Variants in ANKRD30BL observed in about 807,000 individuals in gnomAD.
ANKRD30BL encodes the protein putative ankyrin repeat domain-containing protein 30B-like.
Under a neutral mutation model 18.4 loss-of-function variants are expected in ANKRD30BL, and 20 were observed. The ratio of observed to expected loss-of-function variants is 1.09; its 90% confidence interval spans 0.77 to 1.58. The LOEUF is 1.58. Ranked by LOEUF, ANKRD30BL falls within the 40% of genes most tolerant of loss-of-function variation. The pLI is 0.00. For synonymous variants in ANKRD30BL, 72 were observed against 100.9 expected, an observed-to-expected ratio of 0.71 and a Z score of 1.72; for missense variants, 224 against 268.6, an observed-to-expected ratio of 0.83 and a Z score of 1.16.
At chr2:132,172,543 A>G (rs1287224759) in intron 1 of ANKRD30BL, among the ~76,000 whole-genome samples, 2 of 152,100 alleles carry the variant, frequency 1.3e-5, no homozygotes, top group African/African-American at 4.8e-5. Context: ...TATCTATTCA[A>G]GTCCTTTGCC....
intron 1 of ANKRD30BL, among the ~76,000 whole-genome samples, chr2:132,232,373 G>T (rs542187507): frequency 6.6e-6 from 1 of 152,112 alleles, no homozygotes; most frequent in Non-Finnish European, 1.5e-5. Context: ...GGCTTCAGAC[G>T]ATCAAATTAC....
At chr2:132,240,252 A>T (rs1360414202) in intron 1 of ANKRD30BL, among the ~76,000 whole-genome samples, 1 of 151,480 alleles carries the variant, frequency 6.6e-6, no homozygotes, top group Non-Finnish European at 1.5e-5. Context: ...GATTTGAAAC[A>T]CTCTTCTTGT....
chr2:132,192,876 T>TG (rs1558926386), intron 1 of ANKRD30BL, among the ~76,000 whole-genome samples: 6 of 152,234 alleles, frequency 3.9e-5, no homozygotes, highest in Non-Finnish European at 7.3e-5. Flanking sequence ...GGCCATCTAC[T>TG]TTACATAGAA....
At position 132,247,374 on chromosome 2, in the gene ANKRD30BL, A is replaced by T. The variant is rs1387528326; in HGVS notation, n.441+10155T>A. 4.0e-5 allele frequency among the ~76,000 whole-genome samples: 6 copies of T among 151,352 alleles called. No homozygotes were observed. In the South Asian group the frequency reaches 1.2e-3, roughly 32 times the overall value. On this transcript the variant is annotated intron_variant and non_coding_transcript_variant, in intron 1 of 4. Transcript: ENST00000470729. ...CAGAAACTTCTTTGTGATGTGTGTA[A>T]TCAACTGATGGAGTTGAGCCTTTCC...
intron 3 of ANKRD30BL, 192 bp from the exon 4 acceptor site, chr2:132,154,960 A>G (rs1050013100): frequency 4.1e-5 from 18 of 435,476 alleles, no homozygotes; most frequent in Non-Finnish European, 7.5e-5. Flanking sequence ...GCATCACCAC[A>G]TTAACTCTAG....
rs1316048328 is a variant in ANKRD30BL, at chr2:132,191,561, C to T, written n.442-34415G>A. On this transcript the variant is annotated intron_variant and non_coding_transcript_variant, in intron 1 of 4. Coordinates refer to the ANKRD30BL transcript ENST00000470729. ...ATTCAGAATTGACATTTTTTGGATCCATTATAGTTTCTGTGCAGTGTTATT... is the reference window on the plus strand; with the variant it reads ...ATTCAGAATTGACATTTTTTGGATCTATTATAGTTTCTGTGCAGTGTTATT... 5.3e-5 allele frequency among the ~76,000 whole-genome samples: 8 copies of T among 152,094 alleles called. No homozygotes were observed. The East Asian group carries it at 1.4e-3, about 26-fold the overall frequency.
intron 1 of ANKRD30BL, among the ~76,000 whole-genome samples, chr2:132,194,585 G>T (rs1678926099): frequency 6.6e-6 from 1 of 152,194 alleles, no homozygotes; most frequent in South Asian, 2.1e-4. Flanking sequence ...CCATGCTGTA[G>T]TCTCTTTCTA....
intron 1 of ANKRD30BL, among the ~76,000 whole-genome samples, chr2:132,243,851 T>A (rs1680402920): frequency 6.6e-6 from 1 of 152,238 alleles, no homozygotes; most frequent in African/African-American, 2.4e-5. Context: ...TTTTGTAGGA[T>A]CTGTAAGTTG....
intron 1 of ANKRD30BL, among the ~76,000 whole-genome samples, chr2:132,234,558 C>G (rs547439834): frequency 1.8e-4 from 28 of 152,244 alleles, no homozygotes; most frequent in African/African-American, 5.8e-4. Context: ...ACTACAAACA[C>G]CTCTATGCAA....
intron 1 of ANKRD30BL, among the ~76,000 whole-genome samples, chr2:132,256,483 G>T (rs79406770): frequency 6.6e-6 from 1 of 152,228 alleles, no homozygotes; most frequent in Non-Finnish European, 1.5e-5. Flanking sequence ...CGGAGGGCGC[G>T]GGGCGGCCCC....
At chr2:132,229,902 C>A (rs567885374) in intron 1 of ANKRD30BL, among the ~76,000 whole-genome samples, 11 of 151,174 alleles carry the variant, frequency 7.3e-5, no homozygotes. Context: ...ACACTCTGTT[C>A]GCAGTATCTG....
chr2:132,185,047 C>A (rs146160323), intron 1 of ANKRD30BL, among the ~76,000 whole-genome samples: 1 of 152,054 alleles, frequency 6.6e-6, no homozygotes, highest in South Asian at 2.1e-4. Flanking sequence ...CTCCTGACCT[C>A]GTGATCCACG....
intron 1 of ANKRD30BL, among the ~76,000 whole-genome samples, chr2:132,174,731 C>G (rs1688332707): frequency 6.6e-6 from 1 of 152,184 alleles, no homozygotes; most frequent in South Asian, 2.1e-4. Context: ...TAACTTCTAT[C>G]TCTTTGGAAA....
intron 1 of ANKRD30BL, among the ~76,000 whole-genome samples, chr2:132,221,120 G>C (rs1283259342): frequency 1.4e-5 from 2 of 147,880 alleles, no homozygotes; most frequent in South Asian, 2.1e-4. Context: ...GAGCCCCTCC[G>C]TCCAGCAGCC....
upstream of ANKRD30BL, among the ~76,000 whole-genome samples, chr2:132,165,550 G>A (rs1187163052): frequency 2.0e-5 from 2 of 101,668 alleles, no homozygotes; most frequent in African/African-American, 4.9e-5. Flanking sequence ...ATTGTCTCTA[G>A]TAAAATACAA....
chr2:132,153,150 T>TC (rs1490164439), intron 4 of ANKRD30BL, among the ~76,000 whole-genome samples: 1 of 151,832 alleles, frequency 6.6e-6, no homozygotes, highest in African/African-American at 2.4e-5. Context: ...TGGCCATTTC[T>TC]GCCCCCACCG....
chr2:132,221,649 T>A (rs1429296342), intron 1 of ANKRD30BL, among the ~76,000 whole-genome samples: 5 of 46,806 alleles, frequency 1.1e-4, no homozygotes, highest in South Asian at 7.0e-4. Flanking sequence ...AGGTGGGGGG[T>A]TCAGCCCCCC....
chr2:132,200,670 C>T (rs1679080259), intron 1 of ANKRD30BL, among the ~76,000 whole-genome samples: 1 of 152,128 alleles, frequency 6.6e-6, no homozygotes, highest in Non-Finnish European at 1.5e-5. Flanking sequence ...GAAGAACATT[C>T]CATGCTCATG....
At chr2:132,256,889 TG>T (rs1680862664) in intron 1 of ANKRD30BL, 17 of 428,364 alleles carry the variant, frequency 4.0e-5, no homozygotes, top group South Asian at 1.5e-4. Context: ...GCGGGCAGGG[TG>T]GGGGGCACAG....
Sources: gnomAD v4.1 joint callset for allele counts (sites outside exome capture counted in the v4.1 genomes callset) on GRCh38, gnomAD v4.1.1 for gene constraint, MANE v1.5 for transcripts, NCBI Gene and HGNC (gene_info 2026-07-23, HGNC 2026-07-21) for gene names.